Variants in PFDN2 observed in about 807,000 individuals in gnomAD.
PFDN2 encodes the protein prefoldin 2.
Under a neutral mutation model 18.3 loss-of-function variants are expected in PFDN2, and 7 were observed. That is an observed-to-expected ratio of 0.38 (90% CI 0.22 to 0.72). PFDN2 has a LOEUF of 0.72. Among genes scored for constraint, PFDN2 ranks in the 30% least tolerant of loss-of-function variants. PFDN2 has a pLI of 0.47. For missense variants in PFDN2, 181 were observed against 199.1 expected (o/e 0.91, Z 0.55); for synonymous variants, 76 against 75.0 (o/e 1.01, Z -0.07).
intron 1 of PFDN2, among the ~76,000 whole-genome samples, chr1:161,104,354 C>T (rs976733907): frequency 2.6e-5 from 4 of 152,102 alleles, no homozygotes; most frequent in Non-Finnish European, 4.4e-5. Flanking sequence ...CAAATATCAT[C>T]TCCAGTCACA....
Position 161,117,982 on chromosome 1 carries a change from G to A in PFDN2, c.45C>T (p.Gly15=), listed in dbSNP as rs765587886. The A allele has an allele frequency of 1.2e-6, 2 of 1,612,468 alleles. No homozygotes were observed. The highest frequency in any genetic ancestry group is 1.7e-6 in the Non-Finnish European group (2 of 1,179,474). ...CTGCGGACACCGCCCCCTTCCCCGC[G>A]CCGCTCCCGCTGCTCTTGCCGGCGC... ...SGRAGKSSGS[G]AGKGAVSAEQ... The change falls in exon 1 of 4, where the codon GGC becomes GGT. Residue 15 remains glycine (G), a synonymous_variant. Transcript: ENST00000368010.
In PFDN2 at chr1:161,100,722, A is replaced by G; in HGVS notation, c.426T>C (p.Ala142=). The change falls in exon 4 of 4, where the codon GCT becomes GCC. Residue 142 remains alanine (A), a synonymous_variant. Coordinates refer to ENST00000368010, the MANE Select transcript of PFDN2 (RefSeq NM_012394.4). The part of the protein sequence containing the change: ...KPAAKENSEG[A]GAKASSAGVL... ...CTCCAGCTGAGCTGGCCTTAGCCCC[A>G]GCCCCTTCTGAGTTTTCCTTGGCTG... 6.2e-7 allele frequency: 1 copy of G among 1,614,142 alleles called. No individual in the cohort carries two copies. Among genetic ancestry groups the G allele is most frequent in the Non-Finnish European group, 8.5e-7 (1 of 1,180,006 alleles).
chr1:161,115,692 AAGAG>A (rs1243420977), intron 1 of PFDN2, among the ~76,000 whole-genome samples: 4 of 152,216 alleles, frequency 2.6e-5, no homozygotes, highest in African/African-American at 4.8e-5. Flanking sequence ...TATTTTGAAA[AAGAG>A]AGACCACATT....
intron 1 of PFDN2, among the ~76,000 whole-genome samples, chr1:161,110,969 A>G (rs1320796381): frequency 6.6e-6 from 1 of 150,410 alleles, no homozygotes; most frequent in Non-Finnish European, 1.5e-5. Flanking sequence ...CCTCCCGAGT[A>G]GGTGGGACTA....
intron 1 of PFDN2, among the ~76,000 whole-genome samples, chr1:161,108,394 G>A (rs1654730008): frequency 6.6e-6 from 1 of 150,518 alleles, no homozygotes; most frequent in South Asian, 2.1e-4. Context: ...GGCGACAGAG[G>A]TTGCGGTGAG....
At position 161,100,596 on chromosome 1, in the gene PFDN2, A is replaced by T; in HGVS notation, c.*87T>A. 1.0e-6 allele frequency: 1 copy of T among 990,344 alleles called. No individual in the cohort carries two copies. The highest frequency in any genetic ancestry group is 1.4e-6 in the Non-Finnish European group (1 of 690,874). 61.3% of individuals were successfully genotyped at this position (990,344 alleles called of 1,614,324 possible). A position where few individuals can be genotyped will look rare whatever the true frequency, so the allele number is the denominator to read the frequency against. On this transcript the variant is annotated 3_prime_UTR_variant, in exon 4 of 4. Coordinates refer to ENST00000368010, the MANE Select transcript of PFDN2 (RefSeq NM_012394.4). ...AACATTTAATTAACAAAAAAATATT[A>T]CAATAGCAGAGAAAATAATAATAAT...
chr1:161,102,181 G>T lies in PFDN2; in HGVS notation c.165-10C>A, dbSNP rs1557961848. ...TGTATCGATCACTAGGCTGGGATAG[G>T]AGAACAAGGCAGGACCTGAGGATTC... On this transcript the variant is annotated splice_polypyrimidine_tract_variant and intron_variant, in intron 2 of 3. Transcript: ENST00000368010. 6.2e-7 allele frequency: 1 copy of T among 1,614,160 alleles called. No homozygotes were observed. Among genetic ancestry groups the T allele is most frequent in the Admixed American group, 1.7e-5 (1 of 60,024 alleles).
intron 1 of PFDN2, among the ~76,000 whole-genome samples, chr1:161,107,747 G>T (rs1222444668): frequency 6.7e-6 from 1 of 150,374 alleles, no homozygotes; most frequent in East Asian, 2.0e-4. Flanking sequence ...CTCGGGAGGT[G>T]AAGGTAGCAG....
intron 1 of PFDN2, among the ~76,000 whole-genome samples, chr1:161,110,820 T>A (rs1451612350): frequency 3.0e-5 from 4 of 131,472 alleles, no homozygotes; most frequent in East Asian, 2.1e-4. Flanking sequence ...CTTCATGAAA[T>A]TTTTTTTTTT....
chr1:161,110,611 T>C (rs573072009), intron 1 of PFDN2, among the ~76,000 whole-genome samples: 1 of 152,254 alleles, frequency 6.6e-6, no homozygotes, highest in African/African-American at 2.4e-5. Flanking sequence ...CATTTACTCT[T>C]ACTGGTTTCA....
intron 1 of PFDN2, among the ~76,000 whole-genome samples, chr1:161,106,568 C>T (rs1654681234): frequency 6.6e-6 from 1 of 152,194 alleles, no homozygotes; most frequent in African/African-American, 2.4e-5. Context: ...CACAGATTGA[C>T]ACATCAGTGT....
chr1:161,101,207 AT>A (rs112504730), intron 3 of PFDN2, among the ~76,000 whole-genome samples: 31 of 148,854 alleles, frequency 2.1e-4, no homozygotes, highest in South Asian at 6.4e-4. Context: ...TATTTTTAAT[AT>A]TTTTTTTTTG....
chr1:161,100,802 T>G lies in PFDN2; in HGVS notation c.346A>C (p.Asn116His). ...ATGTTGTGCTTTTCCCGGAATTCATTTAGTTCTTTTCCCTTTGCCTGAAGC... is the reference window on the plus strand; with the variant it reads ...ATGTTGTGCTTTTCCCGGAATTCATGTAGTTCTTTTCCCTTTGCCTGAAGC... ...QQLQAKGKELNEFREKHNIRL... is the reference protein window; with the variant it reads ...QQLQAKGKELHEFREKHNIRL... The change falls in exon 4 of 4, where the codon AAT becomes CAT. Residue 116 changes from asparagine to histidine, a missense_variant. Physicochemically the swap from Asn to His is moderately conservative, Grantham distance 68. Transcript: ENST00000368010. 6.2e-7 allele frequency: 1 copy of G among 1,614,024 alleles called. No homozygotes were observed. The highest frequency in any genetic ancestry group is 8.5e-7 in the Non-Finnish European group (1 of 1,179,882).
chr1:161,107,199 A>T (rs1654694489), intron 1 of PFDN2, among the ~76,000 whole-genome samples: 1 of 152,086 alleles, frequency 6.6e-6, no homozygotes, highest in Non-Finnish European at 1.5e-5. Flanking sequence ...GCTGAGGTAG[A>T]TGGATCACGA....
At chr1:161,103,248 G>C (rs1359862953) in intron 1 of PFDN2, among the ~76,000 whole-genome samples, 2 of 152,044 alleles carry the variant, frequency 1.3e-5, no homozygotes, top group Non-Finnish European at 2.9e-5. Context: ...GATTCCTATT[G>C]GTTCTGTAGA....
At chr1:161,108,677 GGCATTA>G (rs1203977573) in intron 1 of PFDN2, among the ~76,000 whole-genome samples, 1 of 152,120 alleles carries the variant, frequency 6.6e-6, no homozygotes, top group African/African-American at 2.4e-5. Flanking sequence ...GAGTCAAAAA[GGCATTA>G]GCATTATTAT....
chr1:161,109,775 C>G (rs968628909), intron 1 of PFDN2, among the ~76,000 whole-genome samples: 2 of 152,218 alleles, frequency 1.3e-5, no homozygotes, highest in Admixed American at 6.5e-5. Context: ...GGGCTGATCA[C>G]TTCAGGCCAG....
chr1:161,112,280 AGCT>A (rs1654827451), intron 1 of PFDN2, among the ~76,000 whole-genome samples: 1 of 152,230 alleles, frequency 6.6e-6, no homozygotes, highest in Non-Finnish European at 1.5e-5. Flanking sequence ...AATAAATAGT[AGCT>A]GCTATTATTA....
At chr1:161,116,600 C>G (rs1460755717) in intron 1 of PFDN2, among the ~76,000 whole-genome samples, 1 of 152,194 alleles carries the variant, frequency 6.6e-6, no homozygotes, top group Non-Finnish European at 1.5e-5. Flanking sequence ...TTATACTTCT[C>G]TTAGGACACT....
Sources: allele counts gnomAD v4.1 joint callset (sites outside exome capture counted in the v4.1 genomes callset), GRCh38; gene constraint gnomAD v4.1.1; transcripts MANE v1.5; gene names NCBI Gene and HGNC (gene_info 2026-07-23, HGNC 2026-07-21).